The following UBE2E2 variants were observed in gnomAD, a reference collection of about 807,000 sequenced individuals.
The protein encoded by UBE2E2 is ubiquitin conjugating enzyme E2 E2.
Under a neutral mutation model 24.7 loss-of-function variants are expected in UBE2E2, and 6 were observed. That is an observed-to-expected ratio of 0.24 (90% CI 0.13 to 0.48). The LOEUF is 0.48. UBE2E2 is among the 20% of genes least tolerant of loss of function. The probability of loss-of-function intolerance (pLI) is 0.99; values close to 1 mark genes in which losing one functional copy is unlikely to be tolerated. For missense variants in UBE2E2, 169 were observed against 245.0 expected (o/e 0.69, Z 2.07); for synonymous variants, 104 against 83.6 (o/e 1.24, Z -1.33).
At chr3:23,524,865 G>GACACAC (rs59806964) in intron 4 of UBE2E2, among the ~76,000 whole-genome samples, 10,119 of 147,468 alleles carry the variant, frequency 0.069, 384 homozygotes, top group Middle Eastern at 0.12. Context: ...CAGACACACA[G>GACACAC]ACACACACAC....
chr3:23,574,126 C>T (rs527261366), intron 5 of UBE2E2, among the ~76,000 whole-genome samples: 6 of 152,138 alleles, frequency 3.9e-5, no homozygotes, highest in South Asian at 2.1e-4. Flanking sequence ...AGGCACAGAA[C>T]GACAAGCTTC....
At chr3:23,237,597 A>G (rs920264527) in intron 3 of UBE2E2, among the ~76,000 whole-genome samples, 7 of 152,126 alleles carry the variant, frequency 4.6e-5, no homozygotes, top group Admixed American at 4.6e-4. Flanking sequence ...TTCATTTTTC[A>G]TGTATACAAC....
chr3:23,480,180 A>G (rs1236105403), intron 3 of UBE2E2, among the ~76,000 whole-genome samples: 5 of 152,144 alleles, frequency 3.3e-5, no homozygotes, highest in Admixed American at 3.3e-4. Context: ...CTGCACTCGT[A>G]GGTGTCTAAA....
intron 3 of UBE2E2, among the ~76,000 whole-genome samples, chr3:23,229,434 C>T (rs1696916930): frequency 6.6e-6 from 1 of 152,084 alleles, no homozygotes; most frequent in African/African-American, 2.4e-5. Flanking sequence ...TCTTTTATCC[C>T]TCACCCTCTT....
chr3:23,399,609 A>C (rs765386150), intron 3 of UBE2E2, among the ~76,000 whole-genome samples: 1 of 152,202 alleles, frequency 6.6e-6, no homozygotes, highest in Non-Finnish European at 1.5e-5. Flanking sequence ...TTTTTCATTT[A>C]ATATTTTTGG....
intron 5 of UBE2E2, among the ~76,000 whole-genome samples, chr3:23,532,915 G>A (rs1254816202): frequency 6.6e-6 from 1 of 152,042 alleles, no homozygotes; most frequent in Non-Finnish European, 1.5e-5. Flanking sequence ...AAAAAGTATA[G>A]TGTGGTAAAA....
chr3:23,389,095 G>A (rs1429556353), intron 3 of UBE2E2, among the ~76,000 whole-genome samples: 3 of 152,068 alleles, frequency 2.0e-5, no homozygotes, highest in Non-Finnish European at 4.4e-5. Context: ...GCCTACCCTG[G>A]TCCCACAGGG....
chr3:23,250,551 T>A (rs1401124924), intron 3 of UBE2E2, among the ~76,000 whole-genome samples: 1 of 152,246 alleles, frequency 6.6e-6, no homozygotes, highest in African/African-American at 2.4e-5. Flanking sequence ...TTTTGTTAGA[T>A]GCATTTGTAT....
At chr3:23,290,543 C>T (rs1308916040) in intron 3 of UBE2E2, among the ~76,000 whole-genome samples, 3 of 151,872 alleles carry the variant, frequency 2.0e-5, no homozygotes, top group African/African-American at 2.4e-5. Flanking sequence ...GTCTCCAACT[C>T]TTCCGTTCAA....
In UBE2E2 at chr3:23,457,276, A is replaced by G. The variant is rs566364273; in HGVS notation, c.228-42332A>G. Among the ~76,000 whole-genome samples, 3 of 152,302 alleles carry G rather than the reference A, an allele frequency of 2.0e-5. No homozygotes were observed. In the South Asian group the frequency reaches 6.2e-4, roughly 32 times the overall value. Reference sequence around the variant, plus strand: ...GTTCATCTGCAACTGACGCATCTCTAGATCCAACTGGTTTTTCTGGGGCTA... The same window carrying G: ...GTTCATCTGCAACTGACGCATCTCTGGATCCAACTGGTTTTTCTGGGGCTA... On this transcript the variant is annotated intron_variant, in intron 3 of 5. Transcript: ENST00000396703.
chr3:23,518,873 G>A (rs1694801577), intron 4 of UBE2E2, among the ~76,000 whole-genome samples: 1 of 152,080 alleles, frequency 6.6e-6, no homozygotes, highest in Non-Finnish European at 1.5e-5. Flanking sequence ...AAAGAAAATG[G>A]TATTAATCAT....
At chr3:23,535,672 G>A (rs1027729152) in intron 5 of UBE2E2, among the ~76,000 whole-genome samples, 1 of 128,886 alleles carries the variant, frequency 7.8e-6, no homozygotes, top group Non-Finnish European at 1.5e-5. Flanking sequence ...CGCCCAGGCT[G>A]GATTGCAATG....
intron 3 of UBE2E2, among the ~76,000 whole-genome samples, chr3:23,321,795 A>G (rs753586474): frequency 2.0e-5 from 3 of 151,664 alleles, no homozygotes; most frequent in Non-Finnish European, 4.4e-5. Context: ...TGCTGGTTTA[A>G]TAAGTGTTGG....
At chr3:23,512,070 C>T (rs1422117771) in intron 4 of UBE2E2, among the ~76,000 whole-genome samples, 1 of 152,080 alleles carries the variant, frequency 6.6e-6, no homozygotes, top group African/African-American at 2.4e-5. Context: ...GAACTCCTGG[C>T]CTCCTAATTT....
At chr3:23,342,540 C>T (rs1695424184) in intron 3 of UBE2E2, among the ~76,000 whole-genome samples, 1 of 152,160 alleles carries the variant, frequency 6.6e-6, no homozygotes, top group Non-Finnish European at 1.5e-5. Context: ...TGGTCGTAGG[C>T]TACATTTTCA....
intron 5 of UBE2E2, among the ~76,000 whole-genome samples, chr3:23,570,366 G>A (rs1347499640): frequency 6.6e-6 from 1 of 152,092 alleles, no homozygotes; most frequent in Non-Finnish European, 1.5e-5. Context: ...TGATGTTGAA[G>A]ACCTAGCCTA....
intron 3 of UBE2E2, among the ~76,000 whole-genome samples, chr3:23,489,177 G>A (rs2125448148): frequency 6.6e-6 from 1 of 152,246 alleles, no homozygotes; most frequent in South Asian, 2.1e-4. Context: ...GCATGGGTCG[G>A]GGAGATGGTT....
chr3:23,416,969 C>T (rs1338436194), intron 3 of UBE2E2, among the ~76,000 whole-genome samples: 10 of 152,182 alleles, frequency 6.6e-5, no homozygotes, highest in Admixed American at 3.9e-4. Flanking sequence ...TTTCAAGGTT[C>T]TTAGCTTCCT....
chr3:23,385,231 G>A (rs181096331), intron 3 of UBE2E2, among the ~76,000 whole-genome samples: 1 of 152,284 alleles, frequency 6.6e-6, no homozygotes, highest in East Asian at 1.9e-4. Context: ...GTTTGCAAGC[G>A]ATTGTTTTAG....
Sources: gnomAD v4.1 joint callset for allele counts (sites outside exome capture counted in the v4.1 genomes callset) on GRCh38, gnomAD v4.1.1 for gene constraint, MANE v1.5 for transcripts, NCBI Gene and HGNC (gene_info 2026-07-23, HGNC 2026-07-21) for gene names.